Variants in RGS8 observed in about 807,000 individuals in gnomAD.
The protein encoded by RGS8 is regulator of G protein signaling 8.
In RGS8, 8 loss-of-function variants were observed where a neutral mutation model predicts 21.7. The ratio of observed to expected loss-of-function variants is 0.37; its 90% confidence interval spans 0.22 to 0.66. The LOEUF is 0.66. Among genes scored for constraint, RGS8 ranks in the 30% least tolerant of loss-of-function variants. The pLI is 0.59. For synonymous variants in RGS8, 80 were observed against 83.6 expected, an observed-to-expected ratio of 0.96 and a Z score of 0.24; for missense variants, 157 against 217.9, an observed-to-expected ratio of 0.72 and a Z score of 1.76.
the RGS8 span, among the ~76,000 whole-genome samples, chr1:182,705,897 C>T: frequency 6.6e-6 from 1 of 152,212 alleles, no homozygotes; most frequent in African/African-American, 2.4e-5. Context: ...GGGCAGAGGA[C>T]ATTGGAGCAA....
At chr1:182,720,936 CATAT>C in the RGS8 span, among the ~76,000 whole-genome samples, 2 of 110,146 alleles carry the variant, frequency 1.8e-5, no homozygotes, top group Non-Finnish European at 3.6e-5. Flanking sequence ...TACATATATA[CATAT>C]ATATACATAT....
intron 1 of RGS8, among the ~76,000 whole-genome samples, chr1:182,682,353 G>A (rs1664563387): frequency 6.6e-6 from 1 of 152,188 alleles, no homozygotes; most frequent in African/African-American, 2.4e-5. Flanking sequence ...CTCCTGGCAA[G>A]AGTGGTGGGC....
At chr1:182,694,572 C>T in the RGS8 span, among the ~76,000 whole-genome samples, 8 of 152,048 alleles carry the variant, frequency 5.3e-5, no homozygotes, top group Admixed American at 2.6e-4. Flanking sequence ...TTTGGGAGGC[C>T]GAGGTGGGAA....
chr1:182,653,274 A>T (rs1663107226), intron 5 of RGS8, among the ~76,000 whole-genome samples: 1 of 152,240 alleles, frequency 6.6e-6, no homozygotes. Flanking sequence ...ATGAGACTGA[A>T]TGAAGTGGAA....
At position 182,650,540 on chromosome 1, in the gene RGS8, T is replaced by C. The variant is rs117496652; in HGVS notation, c.194-2237A>G. On this transcript the variant is annotated intron_variant, in intron 5 of 6. Transcript: ENST00000483095. ...CTTGAAGTCACAAGGAGATTTAAGTTTGGAAGCCTGAGCTTAAAGTCATTT... is the reference window on the plus strand; with the variant it reads ...CTTGAAGTCACAAGGAGATTTAAGTCTGGAAGCCTGAGCTTAAAGTCATTT... Among the ~76,000 whole-genome samples the C allele has an allele frequency of 7.2e-4, 110 of 152,270 alleles. 2 individuals are homozygous for C. The East Asian group carries it at 0.02, about 28-fold the overall frequency.
At chr1:182,644,881 G>A (rs978515241), downstream of RGS8, 3 of 152,104 alleles carry the variant, frequency 2.0e-5, no homozygotes, top group Admixed American at 1.3e-4. Context: ...TGAGGCTTTG[G>A]AGTTCTCAAA....
At chr1:182,694,618 C>G in the RGS8 span, among the ~76,000 whole-genome samples, 1 of 152,150 alleles carries the variant, frequency 6.6e-6, no homozygotes, top group East Asian at 1.9e-4. Context: ...ACCAGCCTGG[C>G]CAACATGGTG....
At chr1:182,642,968 GT>G (rs1413720548), downstream of RGS8, 6 of 152,238 alleles carry the variant, frequency 3.9e-5, no homozygotes, top group Admixed American at 3.9e-4. Context: ...GTGGCCTTGG[GT>G]ACAGAGACAC....
intron 3 of RGS8, among the ~76,000 whole-genome samples, chr1:182,668,765 G>A (rs531897909): frequency 1.3e-5 from 2 of 152,254 alleles, no homozygotes; most frequent in South Asian, 2.1e-4. Context: ...CTGCGACAGC[G>A]GGCATCTTAT....
At chr1:182,676,129 T>C (rs549520389), upstream of RGS8, among the ~76,000 whole-genome samples, 210 of 152,288 alleles carry the variant, frequency 1.4e-3, 2 homozygotes, top group African/African-American at 5.0e-3. Flanking sequence ...AATAGCCTGG[T>C]CAGGGCAGTG....
At chr1:182,658,060 G>A (rs1471311214) in intron 5 of RGS8, among the ~76,000 whole-genome samples, 2 of 152,194 alleles carry the variant, frequency 1.3e-5, no homozygotes, top group African/African-American at 4.8e-5. Context: ...AATTTTTTGA[G>A]ATTGATACAC....
chr1:182,708,523 T>A, the RGS8 span, among the ~76,000 whole-genome samples: 1 of 152,228 alleles, frequency 6.6e-6, no homozygotes, highest in Non-Finnish European at 1.5e-5. Flanking sequence ...ATCAATGGAC[T>A]GATAGCATAA....
the RGS8 span, among the ~76,000 whole-genome samples, chr1:182,724,709 C>T: frequency 2.0e-5 from 3 of 152,208 alleles, no homozygotes; most frequent in African/African-American, 4.8e-5. Context: ...AGGCGCCTGC[C>T]ACCACACCTG....
At chr1:182,683,460 C>T (rs1664604801) in intron 1 of RGS8, among the ~76,000 whole-genome samples, 1 of 152,056 alleles carries the variant, frequency 6.6e-6, no homozygotes, top group Non-Finnish European at 1.5e-5. Flanking sequence ...ACCCAGACTT[C>T]AGGATGGGGT....
the RGS8 span, among the ~76,000 whole-genome samples, chr1:182,735,382 G>T: frequency 1.3e-5 from 2 of 152,038 alleles, no homozygotes; most frequent in Non-Finnish European, 2.9e-5. Flanking sequence ...AGATAAACGG[G>T]GTTAAAGATA....
the RGS8 span, among the ~76,000 whole-genome samples, chr1:182,731,116 A>T: frequency 6.6e-6 from 1 of 152,176 alleles, no homozygotes; most frequent in East Asian, 1.9e-4. Flanking sequence ...GATCTTTAAT[A>T]GCCGTTTTAT....
At chr1:182,650,664 C>T (rs907364083) in intron 5 of RGS8, among the ~76,000 whole-genome samples, 3 of 152,116 alleles carry the variant, frequency 2.0e-5, no homozygotes, top group Non-Finnish European at 1.5e-5. Flanking sequence ...AGTTCGAGAC[C>T]AGCCTGGGCA....
chr1:182,692,070 A>G, the RGS8 span, among the ~76,000 whole-genome samples: 1 of 151,484 alleles, frequency 6.6e-6, no homozygotes, highest in Non-Finnish European at 1.5e-5. Context: ...CAGTGGCACA[A>G]TCTCAACTCA....
chr1:182,658,543 T>G (rs942659592), intron 5 of RGS8: 2 of 152,232 alleles, frequency 1.3e-5, no homozygotes, highest in Admixed American at 1.3e-4. Context: ...GAAATTACAT[T>G]TCTAAAATCC....
Sources: allele counts gnomAD v4.1 joint callset (sites outside exome capture counted in the v4.1 genomes callset), GRCh38; gene constraint gnomAD v4.1.1; transcripts MANE v1.5; gene names NCBI Gene and HGNC (gene_info 2026-07-23, HGNC 2026-07-21).